Variants in ASZ1 observed in about 807,000 individuals in gnomAD.
The protein encoded by ASZ1 is ankyrin repeat, SAM and basic leucine zipper domain containing 1.
A neutral mutation model predicts 61.8 loss-of-function variants in ASZ1; 67 were observed. The observed-to-expected ratio is 1.08, with a 90% confidence interval of 0.89 to 1.33. The LOEUF (loss-of-function observed/expected upper bound fraction) is 1.33. Among genes scored for constraint, ASZ1 ranks in the 40% most tolerant of loss-of-function variants. The pLI, the probability that ASZ1 is intolerant of heterozygous loss-of-function variation, is 0.00. For synonymous variants in ASZ1, 193 were observed against 192.7 expected (o/e 1.00, Z -0.01); for missense variants, 577 against 554.5 (o/e 1.04, Z -0.41).
At chr7:117,425,916 G>A (rs1186188646) in intron 2 of ASZ1, among the ~76,000 whole-genome samples, 1 of 151,956 alleles carries the variant, frequency 6.6e-6, no homozygotes, top group Non-Finnish European at 1.5e-5. Flanking sequence ...CTTGAATCCC[G>A]GCCCCCAGAT....
rs566754172 is a variant in ASZ1 at position 117,382,119 on chromosome 7, C to T, written c.838G>A (p.Glu280Lys). Reference sequence around the variant, plus strand: ...AGTCCAAGACCATGTAAAAATACTTCCAGATCTCCAAATGCTGTATATGAA... The same window carrying T: ...AGTCCAAGACCATGTAAAAATACTTTCAGATCTCCAAATGCTGTATATGAA... ...FSSYTAFGDL[E>K]VFLHGLGLEH... is the part of the protein sequence containing the mutation. Residue 280 changes from glutamate to lysine, a missense_variant, in exon 8 of 13, where the codon GAA (glutamate) becomes AAA (lysine). Coordinates refer to ENST00000284629, the MANE Select transcript of ASZ1 (RefSeq NM_130768.3). The T allele has an allele frequency of 4.4e-6, 7 of 1,599,582 alleles. No homozygotes were observed. In the South Asian group the frequency reaches 4.4e-5, roughly 10 times the overall value.
intron 3 of ASZ1, among the ~76,000 whole-genome samples, chr7:117,421,454 A>T (rs1215118130): frequency 2.0e-5 from 3 of 152,102 alleles, no homozygotes; most frequent in Non-Finnish European, 4.4e-5. Context: ...GGCTCAAGTG[A>T]TCCTCCTGCC....
intron 2 of ASZ1, among the ~76,000 whole-genome samples, chr7:117,423,752 C>T (rs913903199): frequency 2.7e-5 from 4 of 146,642 alleles, no homozygotes; most frequent in Non-Finnish European, 4.5e-5. Flanking sequence ...GTCTCAGCTA[C>T]TTGGGAGGCC....
Position 117,415,544 on chromosome 7 carries a change from A to G in ASZ1, c.440+4619T>C, listed in dbSNP as rs1277356177. ...ATTGTTATAATTGTTCTATTTTATT[A>G]TTAGTTAATGTTAGTCTCTTACTAT... On this transcript the variant is annotated intron_variant, in intron 4 of 12. Coordinates refer to ENST00000284629, the MANE Select transcript of ASZ1 (RefSeq NM_130768.3). Among the ~76,000 whole-genome samples, 12 of 152,304 alleles carry G rather than the reference A, an allele frequency of 7.9e-5. No homozygotes were observed. The East Asian group carries it at 2.3e-3, about 29-fold the overall frequency.
intron 11 of ASZ1, 91 bp from the exon 12 acceptor site, chr7:117,367,556 T>C (rs1795967021): frequency 8.2e-7 from 1 of 1,217,406 alleles, no homozygotes; most frequent in Non-Finnish European, 1.0e-6. Flanking sequence ...TTCTTAAACA[T>C]TAGATTACAT....
intron 7 of ASZ1, 26 bp from the exon 8 acceptor site, chr7:117,382,170 T>C: frequency 7.4e-7 from 1 of 1,346,972 alleles, no homozygotes; most frequent in Non-Finnish European, 1.1e-6. Context: ...GCAATGTCAA[T>C]TTCAGAACAG....
intron 6 of ASZ1, 23 bp downstream of exon 6, chr7:117,384,703 G>GT: frequency 1.3e-6 from 2 of 1,588,580 alleles, no homozygotes. Context: ...CAGAAAATAA[G>GT]TTTAATATGT....
chr7:117,411,011 A>G (rs569565541), intron 4 of ASZ1, among the ~76,000 whole-genome samples: 2 of 151,860 alleles, frequency 1.3e-5, no homozygotes, highest in Non-Finnish European at 1.5e-5. Flanking sequence ...ATGTAGAAAT[A>G]GTAATTTCCT....
intron 1 of ASZ1, 87 bp downstream of exon 1, chr7:117,427,269 T>C (rs1797240697): frequency 2.9e-6 from 4 of 1,366,164 alleles, no homozygotes; most frequent in East Asian, 2.3e-5. Context: ...CGTGAGGGAG[T>C]AGGAGGTTTC....
chr7:117,394,988 A>C (rs1055523738), intron 4 of ASZ1, among the ~76,000 whole-genome samples: 52 of 152,126 alleles, frequency 3.4e-4, no homozygotes, highest in Non-Finnish European at 4.6e-4. Context: ...CTCTAGTTTA[A>C]GTCACTCTTT....
At chr7:117,377,121 A>T (rs947410949) in intron 10 of ASZ1, among the ~76,000 whole-genome samples, 1 of 152,152 alleles carries the variant, frequency 6.6e-6, no homozygotes, top group African/African-American at 2.4e-5. Flanking sequence ...CATGGAAACA[A>T]ATAAAAAGAG....
At position 117,406,327 on chromosome 7, in the gene ASZ1, TC is replaced by T. The variant is rs146740641; in HGVS notation, c.440+13835del. ...AAAAAGGTTTTCAGAAGAAAAATGATCCCTGATTAAATCCCTGTTTAAAATA... is the reference window on the plus strand; with the variant it reads ...AAAAAGGTTTTCAGAAGAAAAATGATCCTGATTAAATCCCTGTTTAAAATA... On this transcript the variant is annotated intron_variant, in intron 4 of 12. Transcript: ENST00000284629. 1.7e-4 allele frequency among the ~76,000 whole-genome samples: 26 copies of T among 152,154 alleles called. No individual in the cohort carries two copies. In the East Asian group the frequency reaches 5.0e-3, roughly 29 times the overall value.
chr7:117,384,710 A>T lies in ASZ1; in HGVS notation c.687+16T>A. ...ATATGCCACAGAAAATAAGTTTAAT[A>T]TGTACAGAAGGATACCTCATGATGT... On this transcript the variant is annotated intron_variant, in intron 6 of 12. Coordinates refer to ENST00000284629, the MANE Select transcript of ASZ1 (RefSeq NM_130768.3). 6.3e-7 allele frequency: 1 copy of T among 1,597,900 alleles called. No individual in the cohort carries two copies. Among genetic ancestry groups the T allele is most frequent in the South Asian group, 1.1e-5 (1 of 88,852 alleles).
At chr7:117,369,482 T>C (rs904293871) in intron 10 of ASZ1, among the ~76,000 whole-genome samples, 13 of 152,184 alleles carry the variant, frequency 8.5e-5, no homozygotes, top group Admixed American at 8.5e-4. Flanking sequence ...AGAATGTTTA[T>C]TTGGAGAGTG....
At chr7:117,426,686 G>C (rs1797223183) in intron 2 of ASZ1, 150 bp downstream of exon 2, 1 of 700,450 alleles carries the variant, frequency 1.4e-6, no homozygotes, top group Non-Finnish European at 2.4e-6. Context: ...AAATAAGGCA[G>C]ACTGGACTCA....
Position 117,411,958 on chromosome 7 carries a change from T to G in ASZ1, c.440+8205A>C, listed in dbSNP as rs1289621753. Among the ~76,000 whole-genome samples the G allele has an allele frequency of 3.3e-5, 5 of 151,330 alleles. No homozygotes were observed. In the East Asian group the frequency reaches 9.7e-4, roughly 29 times the overall value. On this transcript the variant is annotated intron_variant, in intron 4 of 12. Coordinates refer to ENST00000284629, the MANE Select transcript of ASZ1 (RefSeq NM_130768.3). Reference sequence around the variant, plus strand: ...TCAATAAATTACAGTACATTAATAATAAGGAATATTAAGCAGCTAAAAAAA... The same window carrying G: ...TCAATAAATTACAGTACATTAATAAGAAGGAATATTAAGCAGCTAAAAAAA...
At chr7:117,377,509 C>T (rs1385648819) in intron 10 of ASZ1, among the ~76,000 whole-genome samples, 1 of 151,968 alleles carries the variant, frequency 6.6e-6, no homozygotes, top group Non-Finnish European at 1.5e-5. Context: ...ACCTGGGTGA[C>T]AGGGCGAGAC....
intron 3 of ASZ1, among the ~76,000 whole-genome samples, chr7:117,421,268 A>C (rs1797094821): frequency 6.6e-6 from 1 of 152,178 alleles, no homozygotes; most frequent in Non-Finnish European, 1.5e-5. Flanking sequence ...GCTGGAGTGC[A>C]GTAGCATGAT....
intron 3 of ASZ1, among the ~76,000 whole-genome samples, chr7:117,421,842 G>T (rs1797105286): frequency 6.6e-6 from 1 of 152,150 alleles, no homozygotes; most frequent in South Asian, 2.1e-4. Flanking sequence ...CAAGGACAAA[G>T]ATGGATTTCA....
Sources: gnomAD v4.1 joint callset for allele counts (sites outside exome capture counted in the v4.1 genomes callset) on GRCh38, gnomAD v4.1.1 for gene constraint, MANE v1.5 for transcripts, NCBI Gene and HGNC (gene_info 2026-07-23, HGNC 2026-07-21) for gene names.